The following ABCC4 variants were observed in gnomAD, a reference collection of about 807,000 sequenced individuals.
The protein encoded by ABCC4 is ATP-binding cassette sub-family C member 4.
In ABCC4, 102 loss-of-function variants were observed where a neutral mutation model predicts 168.5. The observed-to-expected ratio is 0.61, with a 90% confidence interval of 0.52 to 0.71. ABCC4 has a LOEUF of 0.71. ABCC4 is among the 30% of genes least tolerant of loss of function. The probability of loss-of-function intolerance (pLI) is 0.00; values close to 1 mark genes in which losing one functional copy is unlikely to be tolerated. For synonymous variants in ABCC4, 617 were observed against 590.7 expected, an observed-to-expected ratio of 1.04 and a Z score of -0.65; for missense variants, 1,402 against 1,605.8, an observed-to-expected ratio of 0.87 and a Z score of 2.17.
intron 14 of ABCC4, among the ~76,000 whole-genome samples, chr13:95,167,832 T>C (rs145518784): frequency 6.6e-6 from 1 of 152,100 alleles, no homozygotes; most frequent in East Asian, 1.9e-4. Flanking sequence ...GAAGCAAGAA[T>C]GGACACACAT....
intron 19 of ABCC4, among the ~76,000 whole-genome samples, chr13:95,144,634 A>C (rs1335151307): frequency 6.6e-6 from 1 of 152,184 alleles, no homozygotes; most frequent in Non-Finnish European, 1.5e-5. Flanking sequence ...AATCAAGAAT[A>C]CCACGGCCAC....
intron 21 of ABCC4, 160 bp from the exon 22 acceptor site, chr13:95,075,711 G>C: frequency 1.2e-6 from 1 of 856,110 alleles, no homozygotes; most frequent in Non-Finnish European, 1.7e-6. Context: ...AGCCTGAGGG[G>C]ACCCTGCCAC....
At chr13:95,233,661 A>T (rs916026787) in intron 4 of ABCC4, among the ~76,000 whole-genome samples, 2 of 152,164 alleles carry the variant, frequency 1.3e-5, no homozygotes, top group Non-Finnish European at 2.9e-5. Flanking sequence ...AAAAGATGAA[A>T]TTATTTAAAA....
chr13:95,243,319 G>A (rs916718827), intron 3 of ABCC4, among the ~76,000 whole-genome samples: 5 of 152,192 alleles, frequency 3.3e-5, no homozygotes, highest in South Asian at 4.1e-4. Flanking sequence ...CCCACTTCAC[G>A]ATTCAGGCCA....
chr13:95,213,016 A>G (rs1453537343), intron 4 of ABCC4, among the ~76,000 whole-genome samples: 1 of 151,930 alleles, frequency 6.6e-6, no homozygotes, highest in Non-Finnish European at 1.5e-5. Context: ...AATCCCAGCT[A>G]CTCAGGAGGC....
At chr13:95,135,932 T>C (rs1352075447) in intron 19 of ABCC4, among the ~76,000 whole-genome samples, 1 of 152,170 alleles carries the variant, frequency 6.6e-6, no homozygotes, top group Non-Finnish European at 1.5e-5. Context: ...ATTTTAAAAA[T>C]ACACCACAGC....
chr13:95,121,983 T>C (rs2035586119), intron 19 of ABCC4, among the ~76,000 whole-genome samples: 1 of 152,182 alleles, frequency 6.6e-6, no homozygotes, highest in Non-Finnish European at 1.5e-5. Context: ...CCAATCTTGC[T>C]CAAGGTGATG....
rs78975046 is a variant in ABCC4 at position 95,085,135 on chromosome 13, G to A, written c.2536-1845C>T. Among the ~76,000 whole-genome samples, 3 of 152,290 alleles carry A rather than the reference G, an allele frequency of 2.0e-5. No individual in the cohort carries two copies. In the South Asian group the frequency reaches 6.2e-4, roughly 32 times the overall value. ...ACATGACTTCAGCAGAAAGTACAGA[G>A]TGCTATAGAAATATAAGGAGAGGCC... On this transcript the variant is annotated intron_variant, in intron 20 of 30. Transcript: ENST00000645237.
intron 11 of ABCC4, among the ~76,000 whole-genome samples, chr13:95,180,540 G>C (rs898087352): frequency 6.6e-6 from 1 of 150,914 alleles, no homozygotes; most frequent in Non-Finnish European, 1.5e-5. Context: ...CAACAAGAGT[G>C]AAACTCCATC....
intron 17 of ABCC4, 92 bp from the exon 18 acceptor site, chr13:95,163,308 G>A (rs1440575860): frequency 1.8e-5 from 15 of 840,262 alleles, no homozygotes; most frequent in Admixed American, 9.3e-5. Flanking sequence ...TGGGAGAAAC[G>A]CTTCATGCTG....
intron 11 of ABCC4, among the ~76,000 whole-genome samples, chr13:95,183,893 G>A (rs2037977361): frequency 6.6e-6 from 1 of 150,454 alleles, no homozygotes; most frequent in Non-Finnish European, 1.5e-5. Flanking sequence ...CAGCCTGGGT[G>A]ACAGAGCGAG....
chr13:95,134,714 T>C (rs1253242221), intron 19 of ABCC4, among the ~76,000 whole-genome samples: 2 of 152,018 alleles, frequency 1.3e-5, no homozygotes, highest in Admixed American at 6.6e-5. Flanking sequence ...AGCAAGACTC[T>C]GTCTCAAAAA....
chr13:95,166,105 G>A, intron 15 of ABCC4, 53 bp downstream of exon 15: 3 of 1,455,858 alleles, frequency 2.1e-6, no homozygotes, highest in Non-Finnish European at 1.9e-6. Flanking sequence ...AGATCCATAA[G>A]GCCATTAACA....
intron 19 of ABCC4, among the ~76,000 whole-genome samples, chr13:95,120,114 A>G (rs899189117): frequency 5.7e-5 from 5 of 87,636 alleles, no homozygotes; most frequent in African/African-American, 2.7e-4. Context: ...CCTTCCTGGT[A>G]AGCCCATTCT....
intron 15 of ABCC4, among the ~76,000 whole-genome samples, chr13:95,165,375 G>A (rs1447249782): frequency 6.6e-6 from 1 of 152,172 alleles, no homozygotes; most frequent in East Asian, 1.9e-4. Flanking sequence ...TGGCATGTGA[G>A]GGCCTAATCT....
At chr13:95,280,066 T>C (rs1174665040) in intron 1 of ABCC4, among the ~76,000 whole-genome samples, 1 of 151,928 alleles carries the variant, frequency 6.6e-6, no homozygotes, top group African/African-American at 2.4e-5. Context: ...TCTGGGTGAG[T>C]TTCTGACACT....
At chr13:95,051,512 GTGCA>G (rs1055876914) in intron 27 of ABCC4, among the ~76,000 whole-genome samples, 5 of 151,598 alleles carry the variant, frequency 3.3e-5, no homozygotes, top group Admixed American at 3.3e-4. Context: ...GGGACTACAG[GTGCA>G]TGCCACCACA....
chr13:95,178,090 T>A lies in ABCC4; in HGVS notation c.1547A>T (p.Asp516Val), dbSNP rs1383716813. 1 of 1,613,786 alleles carries A rather than the reference T, an allele frequency of 6.2e-7. No homozygotes were observed. ...ATCACCATCCTCCAACAGCTGTAAA[T>A]CCTGTATGGACAAAGGAAAGAAGGG... ...KVIKACALKKDLQLLEDGDLT... is the reference protein window; with the variant it reads ...KVIKACALKKVLQLLEDGDLT... Residue 516 changes from aspartate to valine, a missense_variant and splice_region_variant, in exon 12 of 31, where the codon GAT (aspartate) becomes GTT (valine). Asp to Val is a radical substitution (Grantham distance 152). Transcript: ENST00000645237.
At chr13:95,278,664 G>A (rs1210192673) in intron 1 of ABCC4, among the ~76,000 whole-genome samples, 4 of 151,998 alleles carry the variant, frequency 2.6e-5, no homozygotes, top group African/African-American at 9.7e-5. Context: ...AGGCATGGTG[G>A]TGCATGCCTA....
Sources: gnomAD v4.1 joint callset for allele counts (sites outside exome capture counted in the v4.1 genomes callset) on GRCh38, gnomAD v4.1.1 for gene constraint, MANE v1.5 for transcripts, NCBI Gene and HGNC (gene_info 2026-07-23, HGNC 2026-07-21) for gene names.